FUT8: variants seen among roughly 807,000 people sequenced by gnomAD.
The protein encoded by FUT8 is alpha-(1,6)-fucosyltransferase.
FUT8 carries 29 observed loss-of-function variants against 71.3 expected under a neutral mutation model. That is an observed-to-expected ratio of 0.41 (90% CI 0.30 to 0.55). FUT8 has a LOEUF of 0.55. Ranked by LOEUF, FUT8 falls within the 20% of genes least tolerant of loss-of-function variation. FUT8 has a pLI of 0.34. For missense variants in FUT8, 544 were observed against 702.1 expected (o/e 0.77, Z 2.55); for synonymous variants, 254 against 239.3 (o/e 1.06, Z -0.57).
intron 6 of FUT8, among the ~76,000 whole-genome samples, chr14:65,649,904 T>A (rs12890902): frequency 0.36 from 54,037 of 152,130 alleles, 11,933 homozygotes; most frequent in Non-Finnish European, 0.5. Flanking sequence ...TGTTTGAGAA[T>A]ATATTGGGCT....
chr14:65,691,137 A>T (rs1893564592), intron 7 of FUT8, among the ~76,000 whole-genome samples: 1 of 151,112 alleles, frequency 6.6e-6, no homozygotes, highest in Non-Finnish European at 1.5e-5. Flanking sequence ...GGCAGGGGCA[A>T]GTTGCCAACT....
At chr14:65,721,754 T>C (rs369979368) in intron 7 of FUT8, 21 bp from the exon 8 acceptor site, 73 of 1,613,250 alleles carry the variant, frequency 4.5e-5, no homozygotes, top group Non-Finnish European at 5.8e-5. Flanking sequence ...TGGTAATGAT[T>C]ATATGTTTCA....
At chr14:65,429,995 G>C (rs142223490) in intron 1 of FUT8, among the ~76,000 whole-genome samples, 1 of 148,578 alleles carries the variant, frequency 6.7e-6, no homozygotes, top group African/African-American at 2.5e-5. Flanking sequence ...TGAGGTGACT[G>C]TTCTTATTGC....
chr14:65,412,358 T>C (rs1314279623), upstream of FUT8: 1 of 455,744 alleles, frequency 2.2e-6, no homozygotes. Flanking sequence ...GGCCGCCGAC[T>C]GAGCTGGCAC....
chr14:65,697,426 A>G (rs959744137), intron 7 of FUT8, among the ~76,000 whole-genome samples: 1 of 152,172 alleles, frequency 6.6e-6, no homozygotes, highest in Non-Finnish European at 1.5e-5. Flanking sequence ...TCAGTCTTTT[A>G]GTAAACCTGA....
chr14:65,383,264 T>C, the FUT8 span, among the ~76,000 whole-genome samples: 20 of 123,328 alleles, frequency 1.6e-4, no homozygotes, highest in Admixed American at 1.9e-3. Flanking sequence ...CTTTTTCTTT[T>C]CTTTTTTTTT....
chr14:65,576,508 C>T (rs1886779612), intron 3 of FUT8, among the ~76,000 whole-genome samples: 1 of 151,814 alleles, frequency 6.6e-6, no homozygotes, highest in Admixed American at 6.6e-5. Flanking sequence ...TTTTACTGTA[C>T]ATCTTTTGTA....
At chr14:65,498,066 A>G (rs1271040353) in intron 2 of FUT8, among the ~76,000 whole-genome samples, 1 of 152,198 alleles carries the variant, frequency 6.6e-6, no homozygotes, top group Non-Finnish European at 1.5e-5. Context: ...TGAAAGAATA[A>G]TCAGGAATGC....
intron 1 of FUT8, among the ~76,000 whole-genome samples, chr14:65,415,023 T>A: frequency 6.6e-6 from 1 of 152,244 alleles, no homozygotes; most frequent in East Asian, 1.9e-4. Context: ...CTAATTCTGA[T>A]TACATCCTGC....
chr14:65,696,560 G>GT (rs776509387), intron 7 of FUT8, among the ~76,000 whole-genome samples: 21 of 151,974 alleles, frequency 1.4e-4, no homozygotes, highest in Non-Finnish European at 2.8e-4. Context: ...TTGTTTGTTT[G>GT]TTTTTTGTAT....
chr14:65,580,070 T>TATA (rs3986817), intron 3 of FUT8, among the ~76,000 whole-genome samples: 6 of 142,846 alleles, frequency 4.2e-5, no homozygotes, highest in East Asian at 4.1e-4. Flanking sequence ...GTGCTATATT[T>TATA]TATATATATA....
chr14:65,692,726 C>G (rs1227356145), intron 7 of FUT8, among the ~76,000 whole-genome samples: 1 of 149,216 alleles, frequency 6.7e-6, no homozygotes, highest in Non-Finnish European at 1.5e-5. Flanking sequence ...GGCTGCCGGG[C>G]GGAGGGGCTC....
chr14:65,723,383 G>T (rs1895522739), intron 8 of FUT8, among the ~76,000 whole-genome samples: 1 of 152,096 alleles, frequency 6.6e-6, no homozygotes. Context: ...GAAAACTGTG[G>T]AAGTCAGTGC....
At chr14:65,456,321 T>C (rs2065893419) in intron 2 of FUT8, among the ~76,000 whole-genome samples, 2 of 152,198 alleles carry the variant, frequency 1.3e-5, no homozygotes, top group Admixed American at 6.5e-5. Context: ...TGTTATTTAA[T>C]TGGAATCATC....
chr14:65,540,873 GA>G (rs1333810034), intron 2 of FUT8, among the ~76,000 whole-genome samples: 2 of 152,076 alleles, frequency 1.3e-5, no homozygotes, highest in Non-Finnish European at 2.9e-5. Context: ...TGAAACTTTG[GA>G]AAAAAGGAAA....
At chr14:65,436,688 C>A (rs2065566458) in intron 1 of FUT8, among the ~76,000 whole-genome samples, 2 of 151,812 alleles carry the variant, frequency 1.3e-5, no homozygotes, top group South Asian at 2.1e-4. Context: ...CTGACAAGGT[C>A]TTTGACAAGC....
intron 2 of FUT8, among the ~76,000 whole-genome samples, chr14:65,468,982 A>C (rs1326977259): frequency 6.6e-6 from 1 of 152,076 alleles, no homozygotes; most frequent in Non-Finnish European, 1.5e-5. Flanking sequence ...AAAATCGTAG[A>C]AACAGGGTCT....
intron 2 of FUT8, among the ~76,000 whole-genome samples, chr14:65,543,544 A>G (rs1006737513): frequency 6.8e-6 from 1 of 147,274 alleles, no homozygotes; most frequent in African/African-American, 2.5e-5. Flanking sequence ...GTGTTTTTTT[A>G]AAAAAAACAT....
In FUT8 at chr14:65,489,876, T is replaced by G. The variant is rs2066458861; in HGVS notation, c.-228+34158T>G. Among the ~76,000 whole-genome samples the G allele has an allele frequency of 6.6e-6, 1 of 152,086 alleles. No individual in the cohort carries two copies. Among genetic ancestry groups the G allele is most frequent in the African/African-American group, 2.4e-5 (1 of 41,452 alleles). ...CAAATATCAAAGAAATTCAGTGTAC[T>G]TTCTTTTCAAAAAAACATTAAAAAC... On this transcript the variant is annotated intron_variant, in intron 2 of 10. Coordinates refer to ENST00000673929, the MANE Select transcript of FUT8 (RefSeq NM_001371533.1). This position sits in a 1 kb window ranked among gnomAD's most constrained non-coding sequence, Gnocchi z 4.0.
Sources: gnomAD v4.1 joint callset for allele counts (sites outside exome capture counted in the v4.1 genomes callset) on GRCh38, gnomAD v4.1.1 for gene constraint, Gnocchi (gnomAD v3.1) non-coding constraint, MANE v1.5 for transcripts, NCBI Gene and HGNC (gene_info 2026-07-23, HGNC 2026-07-21) for gene names.